USP9X: variants seen among roughly 807,000 people sequenced by gnomAD.
USP9X encodes the protein ubiquitin specific peptidase 9 X-linked, also known as ubiquitin carboxyl-terminal hydrolase 9X.
Under a neutral mutation model 190.3 loss-of-function variants are expected in USP9X, and 7 were observed. That is an observed-to-expected ratio of 0.04 (90% CI 0.02 to 0.07). The LOEUF (loss-of-function observed/expected upper bound fraction) is 0.07, where lower values mean the gene tolerates loss of function less well. USP9X is among the 10% of genes least tolerant of loss of function. The pLI is 1.00. For missense variants in USP9X, 1,010 were observed against 1,916.9 expected (o/e 0.53, Z 8.83); for synonymous variants, 645 against 659.5 (o/e 0.98, Z 0.34).
intron 26 of USP9X, among the ~76,000 whole-genome samples, chrX:41,192,142 A>G (rs780857885): frequency 3.7e-4 from 42 of 112,024 alleles, no homozygotes; most frequent in African/African-American, 1.3e-3. Context: ...AAATATGAGC[A>G]TGTTGCTTTC....
At chrX:41,157,810 C>T (rs1051466404) in intron 14 of USP9X, among the ~76,000 whole-genome samples, 82 of 111,740 alleles carry the variant, frequency 7.3e-4, no homozygotes, top group African/African-American at 2.5e-3. Flanking sequence ...GAGGGCTTTG[C>T]AGACAGACTT....
chrX:41,205,628 G>T, intron 32 of USP9X, 135 bp downstream of exon 32: 1 of 559,207 alleles, frequency 1.8e-6, no homozygotes, highest in African/African-American at 2.6e-5. Flanking sequence ...TCCTTAATTG[G>T]GTGGGTTTTT....
At position 41,141,365 on chromosome X, in the gene USP9X, A is replaced by G. The variant is rs957550393; in HGVS notation, c.1095A>G (p.Val365=). ...AAGTTAATAAGGTGATATCTAGTGT[A>G]TCATACTATACTCATCGACATGGTA... ...LNEVNKVISS[V]SYYTHRHGNP... The change falls in exon 9 of 45, where the codon GTA becomes GTG. Residue 365 remains valine (V), a synonymous_variant. Coordinates refer to ENST00000378308, the MANE Select transcript of USP9X (RefSeq NM_001039591.3). The G allele has an allele frequency of 3.6e-5, 44 of 1,207,160 alleles. No individual in the cohort carries two copies. The African/African-American group carries it at 6.8e-4, about 19-fold the overall frequency.
chrX:41,216,728 A>C (rs1728508200), intron 35 of USP9X, 76 bp downstream of exon 35: 2 of 1,047,310 alleles, frequency 1.9e-6, no homozygotes, highest in Non-Finnish European at 2.5e-6. Flanking sequence ...TAAGTTCATA[A>C]AATTAATGTT....
chrX:41,127,459 T>A (rs1181445133), intron 2 of USP9X, among the ~76,000 whole-genome samples: 1 of 112,383 alleles, frequency 8.9e-6, no homozygotes, highest in African/African-American at 3.2e-5. Flanking sequence ...TTTTAAATTT[T>A]ATTTTTTATA....
chrX:41,086,194 T>A, intron 1 of USP9X, 85 bp downstream of exon 1: 1 of 290,271 alleles, frequency 3.4e-6, no homozygotes, highest in Non-Finnish European at 6.0e-6. Context: ...GAGGGGGGTG[T>A]GCGTGTGTGC....
intron 2 of USP9X, among the ~76,000 whole-genome samples, chrX:41,124,241 C>G (rs999052798): frequency 1.8e-5 from 2 of 110,289 alleles, no homozygotes; most frequent in South Asian, 3.9e-4. Context: ...GTAAGGAGTT[C>G]GAGACCAGCC....
chrX:41,153,121 G>A, intron 14 of USP9X, 40 bp downstream of exon 14: 1 of 1,145,024 alleles, frequency 8.7e-7, no homozygotes, highest in African/African-American at 1.8e-5. Flanking sequence ...GGAAATAGCA[G>A]GGACCTTTTT....
At position 41,163,843 on chromosome X, in the gene USP9X, C is replaced by T. The variant is rs182562941; in HGVS notation, c.1985+966C>T. Among the ~76,000 whole-genome samples the T allele has an allele frequency of 5.4e-5, 6 of 110,421 alleles. No homozygotes were observed. The East Asian group carries it at 1.7e-3, about 31-fold the overall frequency. On this transcript the variant is annotated intron_variant, in intron 15 of 44. Transcript: ENST00000378308. ...ATTACAAGTGTGCTAACAGAAATGC[C>T]CAGATTATCACTGCTTCTTGAAGTC... is the stretch of plus-strand genomic sequence containing the variant.
intron 16 of USP9X, chrX:41,167,215 T>C (rs2062685484): frequency 9.8e-6 from 2 of 204,771 alleles, no homozygotes; most frequent in Non-Finnish European, 1.8e-5. Flanking sequence ...TATTAAATTA[T>C]AGGGTTAAAT....
At chrX:41,219,675 T>A (rs1441989493) in intron 38 of USP9X, among the ~76,000 whole-genome samples, 2 of 111,898 alleles carry the variant, frequency 1.8e-5, no homozygotes, top group African/African-American at 6.5e-5. Flanking sequence ...TTATGGATAA[T>A]ATAAATACTC....
intron 1 of USP9X, among the ~76,000 whole-genome samples, chrX:41,118,613 T>TGG (rs895322713): frequency 1.8e-5 from 2 of 111,358 alleles, no homozygotes; most frequent in African/African-American, 6.5e-5. Context: ...GCCCCACACT[T>TGG]GGGAATATAT....
At chrX:41,134,231 T>C (rs1448215069) in intron 4 of USP9X, among the ~76,000 whole-genome samples, 1 of 112,389 alleles carries the variant, frequency 8.9e-6, no homozygotes, top group Non-Finnish European at 1.9e-5. Context: ...AGATTTTCTT[T>C]GTTTGGAAGC....
In USP9X at chrX:41,140,627, G is replaced by A. The variant is rs765096804; in HGVS notation, c.655-29G>A. On this transcript the variant is annotated intron_variant, in intron 6 of 44. Transcript: ENST00000378308. The stretch of plus-strand genomic sequence containing the variant: ...TGCTTTTTACCCTTTAAAGTAGGAA[G>A]TTAACTTTTTTCATTAATTGTGTTA... 9.9e-6 allele frequency: 11 copies of A among 1,110,664 alleles called. No homozygotes were observed. In the Admixed American group the frequency reaches 2.6e-4, roughly 27 times the overall value. The allele number at this position is 1,110,664 out of a possible 1,213,427, so 91.5% of individuals were successfully genotyped here.
Position 41,170,002 on chromosome X carries a change from C to T in USP9X, c.2644C>T (p.Arg882Cys). The change falls in exon 19 of 45, where the codon CGC (arginine) becomes TGC (cysteine). Residue 882 changes from arginine (R) to cysteine (C), a missense_variant. Arg to Cys is a radical substitution (Grantham distance 180). Transcript: ENST00000378308. ...CTTTCTTTTTCCCCCCAGAGCATTC[C>T]GCGGTAAACACCTCTCTTTTGTAGT... The part of the protein sequence containing the change: ...RTILPMSRAF[R>C]GKHLSFVVRF... 4 of 1,211,224 alleles carry T rather than the reference C, an allele frequency of 3.3e-6. No individual in the cohort carries two copies. The highest frequency in any genetic ancestry group is 3.0e-5 in the East Asian group (1 of 33,855).
intron 6 of USP9X, among the ~76,000 whole-genome samples, chrX:41,137,635 TC>T (rs1297099092): frequency 9.0e-6 from 1 of 111,065 alleles, no homozygotes; most frequent in Admixed American, 9.6e-5. Context: ...TGTACAAATT[TC>T]CCTTTTTCTA....
chrX:41,135,263 G>A (rs2062361565), intron 5 of USP9X, among the ~76,000 whole-genome samples: 1 of 111,062 alleles, frequency 9.0e-6, no homozygotes, highest in Non-Finnish European at 1.9e-5. Context: ...TGCAGAAAGG[G>A]ACAGCAAAAA....
At chrX:41,089,048 T>A (rs2061933847) in intron 1 of USP9X, among the ~76,000 whole-genome samples, 1 of 112,353 alleles carries the variant, frequency 8.9e-6, no homozygotes, top group Non-Finnish European at 1.9e-5. Flanking sequence ...TGGGCAAAGG[T>A]ATATTTTAAA....
chrX:41,167,994 C>G lies in USP9X; in HGVS notation c.2425-13C>G, dbSNP rs1370221184. 8.5e-7 allele frequency: 1 copy of G among 1,183,389 alleles called. No individual in the cohort carries two copies. Among genetic ancestry groups the G allele is most frequent in the African/African-American group, 1.8e-5 (1 of 56,957 alleles). ...GCAATTTTAACTGTGTTTATTTGGC[C>G]TGATATTTGTAGGTGGTGATCCATG... is the stretch of plus-strand genomic sequence containing the variant. On this transcript the variant is annotated splice_polypyrimidine_tract_variant and intron_variant, in intron 17 of 44. Coordinates refer to ENST00000378308, the MANE Select transcript of USP9X (RefSeq NM_001039591.3).
Sources: allele counts gnomAD v4.1 joint callset (sites outside exome capture counted in the v4.1 genomes callset), GRCh38; gene constraint gnomAD v4.1.1; transcripts MANE v1.5; gene names NCBI Gene and HGNC (gene_info 2026-07-23, HGNC 2026-07-21).